The following SLC8A1 variants were observed in gnomAD, a reference collection of about 807,000 sequenced individuals.
SLC8A1 encodes sodium/calcium exchanger 1.
SLC8A1 carries 18 observed loss-of-function variants against 68.3 expected under a neutral mutation model. The ratio of observed to expected loss-of-function variants is 0.26; its 90% CI spans 0.18 to 0.39. The LOEUF is 0.39. Among genes scored for constraint, SLC8A1 ranks in the 10% least tolerant of loss-of-function variants. The probability of loss-of-function intolerance (pLI) is 1.00; values close to 1 mark genes in which losing one functional copy is unlikely to be tolerated. For missense variants in SLC8A1, 985 were observed against 1,156.7 expected, an observed-to-expected ratio of 0.85 and a Z score of 2.15; for synonymous variants, 475 against 415.5, an observed-to-expected ratio of 1.14 and a Z score of -1.74.
chr2:40,432,401 T>TTGTGTG (rs112824729), intron 1 of SLC8A1, among the ~76,000 whole-genome samples: 9,961 of 128,732 alleles, frequency 0.077, 744 homozygotes, highest in African/African-American at 0.18. Context: ...GAGTGTGAGA[T>TTGTGTG]TGTGTGTGTG....
chr2:40,387,936 CA>C (rs57394425), intron 2 of SLC8A1, among the ~76,000 whole-genome samples: 9,314 of 90,668 alleles, frequency 0.1, 183 homozygotes, highest in East Asian at 0.2. Context: ...GAGACTGCCT[CA>C]AAAAAAAAAA....
At chr2:40,234,083 C>T (rs1266030280) in intron 2 of SLC8A1, among the ~76,000 whole-genome samples, 1 of 152,186 alleles carries the variant, frequency 6.6e-6, no homozygotes, top group African/African-American at 2.4e-5. Context: ...GTGATGCAGG[C>T]TCTTTTTTGG....
chr2:40,361,733 G>A (rs889959532), intron 2 of SLC8A1, among the ~76,000 whole-genome samples: 3 of 151,980 alleles, frequency 2.0e-5, no homozygotes, highest in African/African-American at 7.3e-5. Flanking sequence ...TATATGGTAA[G>A]TGGCCACACG....
intron 2 of SLC8A1, among the ~76,000 whole-genome samples, chr2:40,254,014 G>GAAAACTTCTGCA (rs1165612266): frequency 6.6e-6 from 1 of 152,050 alleles, no homozygotes; most frequent in Non-Finnish European, 1.5e-5. Flanking sequence ...ATAGCTAGAA[G>GAAAACTTCTGCA]AAAACTTCTG....
chr2:40,267,014 G>C (rs1464815006), intron 2 of SLC8A1, among the ~76,000 whole-genome samples: 1 of 152,158 alleles, frequency 6.6e-6, no homozygotes, highest in Non-Finnish European at 1.5e-5. Flanking sequence ...TTTGTAGTTT[G>C]TATGTGGGGT....
intron 2 of SLC8A1, among the ~76,000 whole-genome samples, chr2:40,252,125 C>G (rs893840762): frequency 7.2e-5 from 11 of 152,112 alleles, no homozygotes; most frequent in Non-Finnish European, 1.5e-4. Flanking sequence ...ATTTTCATCT[C>G]CAAATTTTCT....
At chr2:40,297,464 A>T (rs1161666393) in intron 2 of SLC8A1, among the ~76,000 whole-genome samples, 1 of 152,208 alleles carries the variant, frequency 6.6e-6, no homozygotes, top group Non-Finnish European at 1.5e-5. Context: ...ACTGTGTAAC[A>T]AAGTGGGACG....
At chr2:40,223,313 C>T (rs1179367973) in intron 2 of SLC8A1, among the ~76,000 whole-genome samples, 3 of 152,034 alleles carry the variant, frequency 2.0e-5, no homozygotes, top group South Asian at 4.1e-4. Flanking sequence ...GGGAGTTGAA[C>T]AATGAGAACA....
chr2:40,175,152 T>G lies in SLC8A1; in HGVS notation c.1913-310A>C. ...AGGTCAATGGCCCTAAACAACAATC[T>G]TGCTAGCAAGTCAAGAGAAATAAAA... On this transcript the variant is annotated intron_variant, in intron 3 of 7. Transcript: ENST00000406785. 2.6e-6 allele frequency: 3 copies of G among 1,143,640 alleles called. No homozygotes were observed. The South Asian group carries it at 4.0e-5, about 15-fold the overall frequency. 70.8% of individuals were successfully genotyped at this position (1,143,640 alleles called of 1,614,324 possible). A position where few individuals can be genotyped will look rare whatever the true frequency, so the allele number is the denominator to read the frequency against.
At chr2:40,242,565 G>C (rs371909) in intron 2 of SLC8A1, among the ~76,000 whole-genome samples, 35,077 of 152,042 alleles carry the variant, frequency 0.23, 6,372 homozygotes, top group African/African-American at 0.5. Context: ...AAGCTCTACA[G>C]GGATACCGTC....
At chr2:40,282,185 G>C (rs2067627034) in intron 2 of SLC8A1, among the ~76,000 whole-genome samples, 1 of 151,824 alleles carries the variant, frequency 6.6e-6, no homozygotes, top group Non-Finnish European at 1.5e-5. Flanking sequence ...ACCTCATTCA[G>C]AGGCATGCTG....
chr2:40,308,409 G>C (rs918740497), intron 2 of SLC8A1, among the ~76,000 whole-genome samples: 1 of 152,150 alleles, frequency 6.6e-6, no homozygotes. Context: ...GGACAGCAAA[G>C]GTGGAGTAGA....
intron 2 of SLC8A1, among the ~76,000 whole-genome samples, chr2:40,326,599 A>C (rs1177190130): frequency 6.6e-6 from 1 of 152,086 alleles, no homozygotes; most frequent in African/African-American, 2.4e-5. Flanking sequence ...TTCTCTTTCT[A>C]ACTTTCGAAC....
At chr2:40,475,639 T>G (rs1704252305) in intron 1 of SLC8A1, among the ~76,000 whole-genome samples, 1 of 152,084 alleles carries the variant, frequency 6.6e-6, no homozygotes, top group African/African-American at 2.4e-5. Context: ...TACACATACA[T>G]GTACACATGC....
chr2:40,428,716 C>G (rs879239225), exon 2 of SLC8A1: 2 of 1,613,756 alleles, frequency 1.2e-6, no homozygotes, highest in South Asian at 1.1e-5. Context: ...GGAGGGAGAT[C>G]CGAGGCAAGC....
intron 1 of SLC8A1, among the ~76,000 whole-genome samples, chr2:40,466,118 A>G (rs141722510): frequency 8.2e-4 from 125 of 152,244 alleles, no homozygotes; most frequent in African/African-American, 2.8e-3. Context: ...GTATTTTTTC[A>G]TAACAGCACA....
At chr2:40,306,891 ATC>A (rs1319609673) in intron 2 of SLC8A1, among the ~76,000 whole-genome samples, 1 of 152,112 alleles carries the variant, frequency 6.6e-6, no homozygotes, top group African/African-American at 2.4e-5. Context: ...CAGAGAATAA[ATC>A]TCTGATTTTT....
At chr2:40,135,016 A>C (rs1205588549) in intron 7 of SLC8A1, among the ~76,000 whole-genome samples, 1 of 152,218 alleles carries the variant, frequency 6.6e-6, no homozygotes, top group Non-Finnish European at 1.5e-5. Context: ...GTAATTGAAG[A>C]CAAACAGCCA....
rs1297520559 is a variant in SLC8A1, at chr2:40,243,942, A to G, written c.1809-66087T>C. ...TTGAAACTGGAGCAACGTAAGAGGA[A>G]AAGTGGGCAGAATGGATAGCTTCTA... is the stretch of plus-strand genomic sequence containing the variant. On this transcript the variant is annotated intron_variant, in intron 2 of 7. Coordinates refer to ENST00000406785, the Ensembl canonical transcript of SLC8A1. Among the ~76,000 whole-genome samples the G allele has an allele frequency of 2.0e-5, 3 of 152,184 alleles. No individual in the cohort carries two copies. The East Asian group carries it at 5.8e-4, about 29-fold the overall frequency.
Sources: gnomAD v4.1 joint callset for allele counts (sites outside exome capture counted in the v4.1 genomes callset) on GRCh38, gnomAD v4.1.1 for gene constraint, MANE v1.5 for transcripts, NCBI Gene and HGNC (gene_info 2026-07-23, HGNC 2026-07-21) for gene names.